The following SAMD4A variants were observed in gnomAD, a reference collection of about 807,000 sequenced individuals.
SAMD4A encodes the protein protein Smaug homolog 1.
In SAMD4A, 33 loss-of-function variants were observed where a neutral mutation model predicts 81.3. The ratio of observed to expected loss-of-function variants is 0.41; its 90% CI spans 0.31 to 0.54. The LOEUF (loss-of-function observed/expected upper bound fraction) is 0.54, where lower values mean the gene tolerates loss of function less well. Among genes scored for constraint, SAMD4A ranks in the 20% least tolerant of loss-of-function variants. SAMD4A has a pLI of 0.37. For synonymous variants in SAMD4A, 389 were observed against 382.1 expected (o/e 1.02, Z -0.21); for missense variants, 854 against 951.1 (o/e 0.90, Z 1.34).
intron 2 of SAMD4A, chr14:54,681,770 G>A: frequency 1.0e-6 from 1 of 984,566 alleles, no homozygotes; most frequent in Non-Finnish European, 1.2e-6. Context: ...TTTTTTGATG[G>A]AGCCCCAAAT....
intron 2 of SAMD4A, among the ~76,000 whole-genome samples, chr14:54,621,563 T>C (rs2034618141): frequency 6.6e-6 from 1 of 151,682 alleles, no homozygotes; most frequent in South Asian, 2.1e-4. Flanking sequence ...GGTCTCACCA[T>C]GTTGCCCAGG....
rs201156229 is a variant in SAMD4A at position 54,760,364 on chromosome 14, G to A, written c.1380G>A (p.Thr460=). 54 of 1,573,704 alleles carry A rather than the reference G, an allele frequency of 3.4e-5. 1 individual carries two copies. In the African/African-American group the frequency reaches 4.0e-4, roughly 12 times the overall value. The change falls in exon 7 of 13, where the codon ACG becomes ACA. Residue 460 remains threonine (T), a synonymous_variant. Transcript: ENST00000554335. The stretch of plus-strand genomic sequence containing the variant: ...ATGGGGCCGCAGCCACTGGCGCCAC[G>A]GCCACCCCCTCGGCCGGGGCCAGCG... ...CKDGAAATGA[T]ATPSAGASGG... is the part of the protein sequence containing the mutation.
At chr14:54,666,996 C>T (rs954802064) in intron 2 of SAMD4A, among the ~76,000 whole-genome samples, 4 of 151,968 alleles carry the variant, frequency 2.6e-5, no homozygotes, top group Admixed American at 1.3e-4. Flanking sequence ...TTTACTAGTC[C>T]ACCAAGAAAG....
chr14:54,580,529 A>T (rs540243116), intron 2 of SAMD4A, among the ~76,000 whole-genome samples: 4 of 152,318 alleles, frequency 2.6e-5, no homozygotes, highest in African/African-American at 7.2e-5. Context: ...ACCCTAGTGG[A>T]GCACTGGGTG....
intron 2 of SAMD4A, among the ~76,000 whole-genome samples, chr14:54,682,532 C>T (rs1209849974): frequency 6.6e-6 from 1 of 152,188 alleles, no homozygotes; most frequent in Non-Finnish European, 1.5e-5. Context: ...TTCCTGATAA[C>T]CCTGTTGATA....
At chr14:54,609,165 T>C (rs1027283182) in intron 2 of SAMD4A, among the ~76,000 whole-genome samples, 2 of 152,188 alleles carry the variant, frequency 1.3e-5, no homozygotes, top group Non-Finnish European at 2.9e-5. Context: ...TCCCAGATTA[T>C]TGTAGTGGGC....
At chr14:54,575,911 A>G (rs543216349) in intron 2 of SAMD4A, among the ~76,000 whole-genome samples, 11 of 149,646 alleles carry the variant, frequency 7.4e-5, no homozygotes, top group Non-Finnish European at 1.5e-4. Context: ...AATTTCCCCG[A>G]GCTTTTTGAA....
chr14:54,704,564 G>A (rs568978628), intron 3 of SAMD4A, among the ~76,000 whole-genome samples: 2 of 152,220 alleles, frequency 1.3e-5, no homozygotes, highest in African/African-American at 4.8e-5. Context: ...CAGACCCATA[G>A]AGGGTAGAAA....
chr14:54,744,960 C>G (rs2037931261), intron 4 of SAMD4A, among the ~76,000 whole-genome samples: 1 of 152,232 alleles, frequency 6.6e-6, no homozygotes, highest in Non-Finnish European at 1.5e-5. Flanking sequence ...CCTGTTTTCT[C>G]TGTCTCACCA....
chr14:54,724,461 A>T (rs915154475), intron 3 of SAMD4A, among the ~76,000 whole-genome samples: 10 of 152,164 alleles, frequency 6.6e-5, no homozygotes, highest in Admixed American at 6.5e-4. Context: ...ATGGAACAAC[A>T]TGTTTACACA....
intron 7 of SAMD4A, 47 bp from the exon 8 acceptor site, chr14:54,764,408 T>G: frequency 7.8e-7 from 1 of 1,284,834 alleles, no homozygotes; most frequent in East Asian, 2.3e-5. Context: ...TCCCAGAGAT[T>G]AGAAAGGGGT....
intron 11 of SAMD4A, among the ~76,000 whole-genome samples, chr14:54,777,204 C>T (rs539457077): frequency 6.6e-6 from 1 of 151,934 alleles, no homozygotes; most frequent in Non-Finnish European, 1.5e-5. Context: ...TGGACCCCCC[C>T]CCACCCCCAC....
chr14:54,755,401 A>G (rs2038212217), intron 6 of SAMD4A, among the ~76,000 whole-genome samples: 1 of 152,160 alleles, frequency 6.6e-6, no homozygotes, highest in Non-Finnish European at 1.5e-5. Context: ...GTTGTGCATC[A>G]TGTGAGTGTA....
intron 2 of SAMD4A, among the ~76,000 whole-genome samples, chr14:54,584,772 T>C (rs886869344): frequency 6.6e-6 from 1 of 152,178 alleles, no homozygotes; most frequent in Non-Finnish European, 1.5e-5. Flanking sequence ...TTAGAAGCAT[T>C]AAATGGATGA....
Position 54,737,208 on chromosome 14 carries a change from A to G in SAMD4A, c.900A>G (p.Ser300=), listed in dbSNP as rs142766408. 1.2e-5 allele frequency: 19 copies of G among 1,614,012 alleles called. No individual in the cohort carries two copies. Among genetic ancestry groups the G allele is most frequent in the Non-Finnish European group, 1.4e-5 (16 of 1,180,030 alleles). ...PLSPQSSVAS[S]GSGGSEHLED... Reference sequence around the variant, plus strand: ...CTCCACAAAGCAGTGTAGCCTCTTCAGGAAGTGGTGGGAGTGAACACTTAG... The same window carrying G: ...CTCCACAAAGCAGTGTAGCCTCTTCGGGAAGTGGTGGGAGTGAACACTTAG... Residue 300 remains serine, a synonymous_variant, in exon 4 of 13, where the codon TCA becomes TCG. Coordinates refer to ENST00000554335, the MANE Select transcript of SAMD4A (RefSeq NM_015589.6).
chr14:54,578,868 A>G (rs2033385073), intron 2 of SAMD4A, among the ~76,000 whole-genome samples: 3 of 152,166 alleles, frequency 2.0e-5, no homozygotes, highest in Admixed American at 2.0e-4. Context: ...CAAAGGCTAG[A>G]TCACTGTGAT....
rs112726103 is a variant in SAMD4A, at chr14:54,728,974, C to T, written c.716-8050C>T. Among the ~76,000 whole-genome samples the T allele has an allele frequency of 4.3e-3, 661 of 152,276 alleles. 2 individuals carry two copies. Among genetic ancestry groups the T allele is most frequent in the African/African-American group, 0.015 (629 of 41,544 alleles). On this transcript the variant is annotated intron_variant, in intron 3 of 12. Coordinates refer to ENST00000554335, the MANE Select transcript of SAMD4A (RefSeq NM_015589.6). ...TGGCAGTGAAGGAAGACCTGGCCTG[C>T]GGTTCAGCTCAAGACAGGAGTTAGT...
chr14:54,717,597 A>G (rs551228141), intron 3 of SAMD4A, among the ~76,000 whole-genome samples: 2 of 152,300 alleles, frequency 1.3e-5, no homozygotes, highest in African/African-American at 4.8e-5. Flanking sequence ...AAATGACCAC[A>G]TTTATAGATT....
intron 8 of SAMD4A, among the ~76,000 whole-genome samples, chr14:54,765,856 A>T (rs189658569): frequency 5.8e-4 from 88 of 152,238 alleles, no homozygotes; most frequent in African/African-American, 2.0e-3. Context: ...ACAAGGGTAC[A>T]GTCCCCCTCT....
Sources: gnomAD v4.1 joint callset for allele counts (sites outside exome capture counted in the v4.1 genomes callset) on GRCh38, gnomAD v4.1.1 for gene constraint, MANE v1.5 for transcripts, NCBI Gene and HGNC (gene_info 2026-07-23, HGNC 2026-07-21) for gene names.